The following SERINC5 variants were observed in gnomAD, a reference collection of about 807,000 sequenced individuals.
SERINC5 encodes serine incorporator 5.
SERINC5 carries 41 observed loss-of-function variants against 63.1 expected under a neutral mutation model. That is an observed-to-expected ratio of 0.65 (90% CI 0.51 to 0.84). SERINC5 has a LOEUF of 0.84. SERINC5 is among the 40% of genes least tolerant of loss of function. SERINC5 has a pLI of 0.00. For missense variants in SERINC5, 523 were observed against 573.0 expected (o/e 0.91, Z 0.89); for synonymous variants, 222 against 215.2 (o/e 1.03, Z -0.28).
intron 2 of SERINC5, among the ~76,000 whole-genome samples, chr5:80,190,765 A>G (rs1749132920): frequency 6.6e-6 from 1 of 152,224 alleles, no homozygotes; most frequent in Non-Finnish European, 1.5e-5. Flanking sequence ...CCAAACCTAT[A>G]ACCTCAAGAT....
At chr5:80,127,725 C>T (rs1264647152) in intron 11 of SERINC5, among the ~76,000 whole-genome samples, 2 of 151,926 alleles carry the variant, frequency 1.3e-5, no homozygotes, top group African/African-American at 2.4e-5. Context: ...ATTTTATTAT[C>T]TACTTTTATT....
At chr5:80,138,217 G>C (rs1189713413), downstream of SERINC5, among the ~76,000 whole-genome samples, 1 of 152,072 alleles carries the variant, frequency 6.6e-6, no homozygotes, top group African/African-American at 2.4e-5. Context: ...GTTGGTCAAA[G>C]AACACAAAAT....
At chr5:80,155,855 G>A (rs545985812) in intron 8 of SERINC5, among the ~76,000 whole-genome samples, 1 of 152,276 alleles carries the variant, frequency 6.6e-6, no homozygotes, top group African/African-American at 2.4e-5. Flanking sequence ...TGATTCCTGG[G>A]TGCAATGGAA....
At chr5:80,134,688 C>T (rs1321797236), downstream of SERINC5, among the ~76,000 whole-genome samples, 1 of 152,104 alleles carries the variant, frequency 6.6e-6, no homozygotes, top group African/African-American at 2.4e-5. Context: ...GGTTTCGATG[C>T]CACAAGTAAA....
In SERINC5 at chr5:80,139,168, C is replaced by A; in HGVS notation, c.*4495G>T. On this transcript the variant is annotated 3_prime_UTR_variant, in exon 12 of 12. Transcript: ENST00000507668. ...ACCACATAATTTGGCTACAGCTAATCGTTTCAGAAAAGTTTAAAAAATTAG... is the reference window on the plus strand; with the variant it reads ...ACCACATAATTTGGCTACAGCTAATAGTTTCAGAAAAGTTTAAAAAATTAG... 2 of 984,834 alleles carry A rather than the reference C, an allele frequency of 2.0e-6. No homozygotes were observed. The highest frequency in any genetic ancestry group is 2.4e-6 in the Non-Finnish European group (2 of 829,464). The allele number at this position is 984,834 out of a possible 1,614,324, so 61.0% of individuals were successfully genotyped here. A position where few individuals can be genotyped will look rare whatever the true frequency, so the allele number is the denominator to read the frequency against.
chr5:80,139,400 A>G lies in SERINC5; in HGVS notation c.*4263T>C. 1 of 985,314 alleles carries G rather than the reference A, an allele frequency of 1.0e-6. No homozygotes were observed. Among genetic ancestry groups the G allele is most frequent in the African/African-American group, 1.7e-5 (1 of 57,356 alleles). The allele number at this position is 985,314 out of a possible 1,614,324, so 61.0% of individuals were successfully genotyped here. A position where few individuals can be genotyped will look rare whatever the true frequency, so the allele number is the denominator to read the frequency against. ...AAGGATTACCTTAAAGAGTTCTTCC[A>G]TCATTTTACTCATGTGAATATGATT... On this transcript the variant is annotated 3_prime_UTR_variant, in exon 12 of 12. Coordinates refer to ENST00000507668, the MANE Select transcript of SERINC5 (RefSeq NM_001174072.3).
rs70982042 is a variant in SERINC5, at chr5:80,230,459, A to AAAAAAAAAAAAAG, written c.27+25436_27+25437insCTTTTTTTTTTTT. ...CAAGACTGTCACAAAAAAAAAAAAA[A>AAAAAAAAAAAAAG]AAAGAAACCATTGCTCTTCAAATTT... On this transcript the variant is annotated intron_variant, in intron 1 of 11. Coordinates refer to ENST00000507668, the MANE Select transcript of SERINC5 (RefSeq NM_001174072.3). 3.0e-3 allele frequency among the ~76,000 whole-genome samples: 391 copies of AAAAAAAAAAAAAG among 128,526 alleles called. 7 individuals carry two copies. Among genetic ancestry groups the AAAAAAAAAAAAAG allele is most frequent in the African/African-American group, 4.3e-3 (137 of 31,984 alleles). 84.3% of individuals were successfully genotyped at this position (128,526 alleles called of 152,430 possible).
rs537687541 is a variant in SERINC5, at chr5:80,142,900, G to A, written c.*763C>T. ...CATGTGAATAACACCATAAATAAGC[G>A]CCGTACTTATTGCAGTAACTCGGAT... On this transcript the variant is annotated 3_prime_UTR_variant, in exon 12 of 12. Coordinates refer to ENST00000507668, the MANE Select transcript of SERINC5 (RefSeq NM_001174072.3). 2.1e-4 allele frequency: 206 copies of A among 985,306 alleles called. 1 individual carries two copies. In the South Asian group the frequency reaches 7.8e-3, roughly 38 times the overall value. 61.0% of individuals were successfully genotyped at this position (985,306 alleles called of 1,614,324 possible). A position where few individuals can be genotyped will look rare whatever the true frequency, so the allele number is the denominator to read the frequency against.
At chr5:80,194,185 A>G (rs1279492236) in intron 2 of SERINC5, among the ~76,000 whole-genome samples, 1 of 152,232 alleles carries the variant, frequency 6.6e-6, no homozygotes, top group African/African-American at 2.4e-5. Context: ...TTCCAGAATC[A>G]AAGAACTGGG....
intron 7 of SERINC5, among the ~76,000 whole-genome samples, chr5:80,164,910 GTTTTTTTT>G (rs70982026): frequency 3.1e-4 from 26 of 85,180 alleles, no homozygotes; most frequent in African/African-American, 1.2e-3. Flanking sequence ...CTTTTTTTCT[GTTTTTTTT>G]TTTTTTTTTT....
chr5:80,210,240 C>CT (rs751550879), intron 1 of SERINC5, among the ~76,000 whole-genome samples: 50 of 152,120 alleles, frequency 3.3e-4, no homozygotes, highest in Non-Finnish European at 6.0e-4. Flanking sequence ...ATGGCAAAGG[C>CT]TTTTCTAAAT....
chr5:80,126,852 C>T (rs976435897), intron 11 of SERINC5, among the ~76,000 whole-genome samples: 1 of 152,038 alleles, frequency 6.6e-6, no homozygotes, highest in African/African-American at 2.4e-5. Flanking sequence ...CCTTGACCTC[C>T]CAAAGTGATA....
intron 2 of SERINC5, among the ~76,000 whole-genome samples, chr5:80,188,694 T>C (rs1366786167): frequency 6.6e-6 from 1 of 152,124 alleles, no homozygotes; most frequent in Non-Finnish European, 1.5e-5. Context: ...AAGACCAGCC[T>C]GGGCAGCACA....
At chr5:80,189,385 AAG>A (rs1212797700) in intron 2 of SERINC5, among the ~76,000 whole-genome samples, 1 of 152,204 alleles carries the variant, frequency 6.6e-6, no homozygotes, top group Non-Finnish European at 1.5e-5. Context: ...CAAAGCCGGG[AAG>A]AGAGTGAATA....
intron 11 of SERINC5, among the ~76,000 whole-genome samples, chr5:80,123,037 A>C (rs1744609386): frequency 6.6e-6 from 1 of 152,222 alleles, no homozygotes; most frequent in Non-Finnish European, 1.5e-5. Context: ...ATGTTGTTAA[A>C]TTTGTGGTGA....
At chr5:80,170,183 T>C (rs2112387300) in intron 5 of SERINC5, among the ~76,000 whole-genome samples, 1 of 152,336 alleles carries the variant, frequency 6.6e-6, no homozygotes, top group East Asian at 1.9e-4. Flanking sequence ...CCTGTCTTTG[T>C]TCTGCACCTG....
At chr5:80,129,365 C>T (rs1744856253) in intron 11 of SERINC5, among the ~76,000 whole-genome samples, 1 of 152,204 alleles carries the variant, frequency 6.6e-6, no homozygotes, top group Non-Finnish European at 1.5e-5. Flanking sequence ...GTGATGCAAT[C>T]ATAGCTCACT....
chr5:80,176,543 T>C (rs1037133270), intron 4 of SERINC5, among the ~76,000 whole-genome samples: 1 of 152,148 alleles, frequency 6.6e-6, no homozygotes, highest in Non-Finnish European at 1.5e-5. Context: ...GCAATTCTCA[T>C]GTCTCAGCCT....
chr5:80,228,745 G>A (rs1751286706), intron 1 of SERINC5, among the ~76,000 whole-genome samples: 1 of 152,090 alleles, frequency 6.6e-6, no homozygotes, highest in Non-Finnish European at 1.5e-5. Context: ...AAAATTTTAA[G>A]TTGCCTAAAT....
Sources: allele counts gnomAD v4.1 joint callset (sites outside exome capture counted in the v4.1 genomes callset), GRCh38; gene constraint gnomAD v4.1.1; transcripts MANE v1.5; gene names NCBI Gene and HGNC (gene_info 2026-07-23, HGNC 2026-07-21).